The following SPTAN1 variants were observed in gnomAD, a reference collection of about 807,000 sequenced individuals.
SPTAN1 encodes spectrin alpha, non-erythrocytic 1.
Under a neutral mutation model 331.3 loss-of-function variants are expected in SPTAN1, and 61 were observed. The observed-to-expected ratio is 0.18, with a 90% CI of 0.15 to 0.23. The LOEUF is 0.23. Ranked by LOEUF, SPTAN1 falls within the 10% of genes least tolerant of loss-of-function variation. SPTAN1 has a pLI of 1.00. For synonymous variants in SPTAN1, 1,153 were observed against 1,173.9 expected, an observed-to-expected ratio of 0.98 and a Z score of 0.36; for missense variants, 2,043 against 3,147.9, an observed-to-expected ratio of 0.65 and a Z score of 8.40.
At position 128,613,431 on chromosome 9, in the gene SPTAN1, G is replaced by A; in HGVS notation, c.5094G>A (p.Val1698=). 6.2e-7 allele frequency: 1 copy of A among 1,614,240 alleles called. No homozygotes were observed. Among genetic ancestry groups the A allele is most frequent in the Middle Eastern group, 1.7e-4 (1 of 6,056 alleles). ...SEDYGKDLAS[V]NNLLKKHQLL... is the part of the protein sequence containing the mutation. ...ATTATGGCAAAGACCTAGCTTCTGT[G>A]AACAACCTGCTGAAAAAGCATCAAC... Residue 1698 remains valine (V), a synonymous_variant, in exon 40 of 57, where the codon GTG becomes GTA. Transcript: ENST00000372739.
chr9:128,588,051 G>A (rs950100079), intron 20 of SPTAN1, among the ~76,000 whole-genome samples: 1 of 149,378 alleles, frequency 6.7e-6, no homozygotes, highest in Non-Finnish European at 1.5e-5. Flanking sequence ...TTGCTAGAGT[G>A]CAGTGGCACT....
intron 34 of SPTAN1, 58 bp from the exon 35 acceptor site, chr9:128,608,816 G>T: frequency 6.5e-7 from 1 of 1,544,926 alleles, no homozygotes; most frequent in South Asian, 1.1e-5. Context: ...AAGACTGGCA[G>T]TCCAGGCAGG....
intron 46 of SPTAN1, 197 bp from the exon 47 acceptor site, chr9:128,624,906 A>G: frequency 1.5e-6 from 1 of 647,964 alleles, no homozygotes; most frequent in Non-Finnish European, 2.8e-6. Flanking sequence ...GACGGGCTGC[A>G]GGGAGCTCGT....
intron 24 of SPTAN1, among the ~76,000 whole-genome samples, chr9:128,596,815 C>T (rs956044553): frequency 5.3e-5 from 8 of 152,162 alleles, no homozygotes; most frequent in Admixed American, 4.6e-4. Context: ...CTCAGCCACC[C>T]GAGTGGCTGG....
intron 39 of SPTAN1, among the ~76,000 whole-genome samples, chr9:128,612,689 GC>G (rs1856699505): frequency 6.6e-6 from 1 of 152,228 alleles, no homozygotes; most frequent in Admixed American, 6.5e-5. Flanking sequence ...ACTTTGGGAG[GC>G]CGAGGCAGGC....
Position 128,574,800 on chromosome 9 carries a change from C to T in SPTAN1, c.489C>T (p.Asp163=), listed in dbSNP as rs756980032. ...TACGAGAATGTGAGGACGTGATGGA[C>T]TGGATCAATGACAAGGCACGTTTTG... ...QYLRECEDVM[D]WINDKEAIVT... Residue 163 remains aspartate, a synonymous_variant, in exon 4 of 57, where the codon GAC becomes GAT. Coordinates refer to ENST00000372739, the MANE Select transcript of SPTAN1 (RefSeq NM_001130438.3). The T allele has an allele frequency of 6.2e-7, 1 of 1,613,994 alleles. No individual in the cohort carries two copies. Among genetic ancestry groups the T allele is most frequent in the Non-Finnish European group, 8.5e-7 (1 of 1,179,928 alleles).
intron 24 of SPTAN1, among the ~76,000 whole-genome samples, chr9:128,594,618 G>A (rs1589256073): frequency 6.6e-6 from 1 of 151,546 alleles, no homozygotes; most frequent in East Asian, 1.9e-4. Context: ...TTTTGGTAGA[G>A]ACAGGTTTTC....
chr9:128,580,891 T>C (rs1851859629), intron 10 of SPTAN1, 31 bp from the exon 11 acceptor site: 1 of 1,611,946 alleles, frequency 6.2e-7, no homozygotes, highest in Non-Finnish European at 8.5e-7. Flanking sequence ...GCTGACCTCA[T>C]CTCCCTGACC....
chr9:128,603,367 T>A (rs916896259), intron 27 of SPTAN1, among the ~76,000 whole-genome samples, 176 bp from the exon 28 acceptor site: 1 of 152,216 alleles, frequency 6.6e-6, no homozygotes, highest in African/African-American at 2.4e-5. Flanking sequence ...CTTTGGGTAT[T>A]TTCATGACAT....
intron 1 of SPTAN1, among the ~76,000 whole-genome samples, chr9:128,554,220 G>C (rs962418626): frequency 6.6e-6 from 1 of 152,152 alleles, no homozygotes; most frequent in Non-Finnish European, 1.5e-5. Flanking sequence ...CCTTGATGGA[G>C]AGACTGGAAA....
At chr9:128,581,929 T>G in intron 12 of SPTAN1, 37 bp downstream of exon 12, 1 of 1,438,754 alleles carries the variant, frequency 7.0e-7, no homozygotes, top group Non-Finnish European at 9.8e-7. Context: ...CAAATGACCC[T>G]TATAGTAAGC....
At chr9:128,601,381 A>G (rs977813545) in intron 27 of SPTAN1, 1 of 152,118 alleles carries the variant, frequency 6.6e-6, no homozygotes, top group African/African-American at 2.4e-5. Context: ...CTCTTCAGGA[A>G]TACATCACTT....
intron 32 of SPTAN1, 48 bp from the exon 33 acceptor site, chr9:128,607,804 A>G: frequency 6.2e-7 from 1 of 1,612,426 alleles, no homozygotes; most frequent in Middle Eastern, 1.8e-4. Flanking sequence ...TTGACGTCAG[A>G]GTGGGCATCT....
chr9:128,556,349 A>G (rs1848643135), intron 1 of SPTAN1, among the ~76,000 whole-genome samples: 1 of 152,186 alleles, frequency 6.6e-6, no homozygotes, highest in Non-Finnish European at 1.5e-5. Context: ...AAATATAAAC[A>G]TTGGAAATTT....
In SPTAN1 at chr9:128,607,988, C is replaced by T; in HGVS notation, c.4283C>T (p.Ala1428Val). ...CTTGATATTCTTGACCAGGAGCGTGCAGACCTGGAGAAGGCCTGGGTTCAG... is the reference window on the plus strand; with the variant it reads ...CTTGATATTCTTGACCAGGAGCGTGTAGACCTGGAGAAGGCCTGGGTTCAG... ...QKLDILDQER[A>V]DLEKAWVQRR... Residue 1428 changes from alanine (A) to valine (V), a missense_variant, in exon 33 of 57, where the codon GCA (alanine) becomes GTA (valine). Coordinates refer to ENST00000372739, the MANE Select transcript of SPTAN1 (RefSeq NM_001130438.3). 6.2e-7 allele frequency: 1 copy of T among 1,614,122 alleles called. No individual in the cohort carries two copies. Among genetic ancestry groups the T allele is most frequent in the South Asian group, 1.1e-5 (1 of 91,084 alleles).
chr9:128,590,225 A>G (rs1390321389), intron 21 of SPTAN1, among the ~76,000 whole-genome samples: 3 of 152,194 alleles, frequency 2.0e-5, no homozygotes, highest in Non-Finnish European at 4.4e-5. Flanking sequence ...TATTGAGTCT[A>G]ATTTAAACCT....
At chr9:128,630,441 T>C in intron 52 of SPTAN1, 66 bp downstream of exon 52, 1 of 1,544,882 alleles carries the variant, frequency 6.5e-7, no homozygotes, top group South Asian at 1.1e-5. Context: ...GGGTACCCCT[T>C]CCCTTCCTGG....
Position 128,582,464 on chromosome 9 carries a change from T to A in SPTAN1, c.1573-15T>A. On this transcript the variant is annotated splice_polypyrimidine_tract_variant and intron_variant, in intron 12 of 56. Transcript: ENST00000372739. ...AGTGTGCTTACCAATGAAGAACTCT[T>A]ATCTTCCTTCCTAGGCATTAGATGA... 6.2e-7 allele frequency: 1 copy of A among 1,613,654 alleles called. No homozygotes were observed. The highest frequency in any genetic ancestry group is 8.5e-7 in the Non-Finnish European group (1 of 1,179,568).
chr9:128,562,992 GTATATATA>G (rs1168781290), intron 1 of SPTAN1, among the ~76,000 whole-genome samples: 124 of 3,122 alleles, frequency 0.04, no homozygotes, highest in Admixed American at 0.077. Flanking sequence ...ACATGTATGT[GTATATATA>G]TATATATATA....
Sources: gnomAD v4.1 joint callset for allele counts (sites outside exome capture counted in the v4.1 genomes callset) on GRCh38, gnomAD v4.1.1 for gene constraint, MANE v1.5 for transcripts, NCBI Gene and HGNC (gene_info 2026-07-23, HGNC 2026-07-21) for gene names.